The following HS6ST2 variants were observed in gnomAD, a reference collection of about 807,000 sequenced individuals.
HS6ST2 encodes the protein heparan sulfate 6-O-sulfotransferase 2.
HS6ST2 carries 17 observed loss-of-function variants against 33.0 expected under a neutral mutation model. That is an observed-to-expected ratio of 0.52 (90% CI 0.35 to 0.77). The LOEUF is 0.77. HS6ST2 is among the 30% of genes least tolerant of loss of function. The pLI is 0.01. For missense variants in HS6ST2, 519 were observed against 551.7 expected (o/e 0.94, Z 0.59); for synonymous variants, 248 against 237.1 (o/e 1.05, Z -0.42).
At chrX:132,709,812 AACACACAC>A (rs60459374) in intron 2 of HS6ST2, among the ~76,000 whole-genome samples, 2 of 92,195 alleles carry the variant, frequency 2.2e-5, no homozygotes, top group African/African-American at 4.1e-5. Flanking sequence ...GAAAAGACAA[AACACACAC>A]ACACACACAC....
intron 2 of HS6ST2, among the ~76,000 whole-genome samples, chrX:132,833,174 G>A (rs200030181): frequency 3.6e-5 from 4 of 111,034 alleles, no homozygotes; most frequent in South Asian, 3.8e-4. Flanking sequence ...GTAGATTTAC[G>A]TTAATATATT....
At chrX:132,925,840 T>C (rs1003334632) in intron 2 of HS6ST2, among the ~76,000 whole-genome samples, 1 of 112,131 alleles carries the variant, frequency 8.9e-6, no homozygotes, top group Non-Finnish European at 1.9e-5. Flanking sequence ...GAGCAACTTA[T>C]ACGTTATAAA....
At chrX:132,772,020 T>C (rs2064905599) in intron 2 of HS6ST2, among the ~76,000 whole-genome samples, 1 of 111,767 alleles carries the variant, frequency 8.9e-6, no homozygotes, top group Non-Finnish European at 1.9e-5. Context: ...TGTCTTAAAC[T>C]ATGTGTTCTA....
chrX:132,658,171 G>T (rs1331068606), intron 4 of HS6ST2, among the ~76,000 whole-genome samples: 1 of 111,402 alleles, frequency 9.0e-6, no homozygotes, highest in Non-Finnish European at 1.9e-5. Context: ...TGTGTCTGCT[G>T]AAAGTACCCA....
intron 2 of HS6ST2, among the ~76,000 whole-genome samples, chrX:132,821,615 A>T (rs185988667): frequency 7.0e-4 from 77 of 110,773 alleles, no homozygotes; most frequent in African/African-American, 2.5e-3. Flanking sequence ...CTCAGAATCC[A>T]ACACCAGAGC....
chrX:132,747,722 G>T (rs2064658971), intron 2 of HS6ST2, among the ~76,000 whole-genome samples: 1 of 110,770 alleles, frequency 9.0e-6, no homozygotes, highest in Admixed American at 9.6e-5. Flanking sequence ...CAGATCTTTT[G>T]CTTGCCCAAG....
At chrX:132,894,054 A>C (rs1156234005) in intron 2 of HS6ST2, among the ~76,000 whole-genome samples, 24 of 110,163 alleles carry the variant, frequency 2.2e-4, no homozygotes, top group African/African-American at 7.3e-4. Flanking sequence ...CTTTTGAGGG[A>C]ATCACAGGTG....
At chrX:132,929,795 C>T (rs1428939400) in intron 2 of HS6ST2, among the ~76,000 whole-genome samples, 1 of 111,620 alleles carries the variant, frequency 9.0e-6, no homozygotes. Flanking sequence ...CTCTGGAAAA[C>T]TGATAGAAAA....
At chrX:132,698,800 G>A (rs1400378444) in intron 3 of HS6ST2, among the ~76,000 whole-genome samples, 1 of 111,390 alleles carries the variant, frequency 9.0e-6, no homozygotes, top group African/African-American at 3.3e-5. Flanking sequence ...ACATTTTGTT[G>A]ACTTGCTTCC....
chrX:132,942,947 T>G (rs751042982), intron 2 of HS6ST2, among the ~76,000 whole-genome samples: 1 of 112,349 alleles, frequency 8.9e-6, no homozygotes, highest in African/African-American at 3.2e-5. Context: ...CTCATTTTTC[T>G]TATTTGAAAA....
intron 2 of HS6ST2, among the ~76,000 whole-genome samples, chrX:132,858,216 C>T (rs1205995792): frequency 8.9e-6 from 1 of 111,755 alleles, no homozygotes; most frequent in East Asian, 2.8e-4. Flanking sequence ...GGTGACTCAC[C>T]ACCAAATGTT....
At chrX:132,914,767 C>T (rs917566247) in intron 2 of HS6ST2, among the ~76,000 whole-genome samples, 1 of 112,014 alleles carries the variant, frequency 8.9e-6, no homozygotes, top group Non-Finnish European at 1.9e-5. Flanking sequence ...AGCGGACATC[C>T]AAAGGGCCTG....
At position 132,765,210 on chromosome X, in the gene HS6ST2, T is replaced by C. The variant is rs2064835627; in HGVS notation, c.948-56716A>G. Among the ~76,000 whole-genome samples the C allele has an allele frequency of 1.8e-5, 2 of 112,016 alleles. 1 individual carries two copies. Among genetic ancestry groups the C allele is most frequent in the Admixed American group, 1.9e-4 (2 of 10,550 alleles). ...TTGTTGCAGAACAAAATGCCTTCTA[T>C]GGGAGGCACAAGTGGGAGAGATATA... On this transcript the variant is annotated intron_variant, in intron 2 of 4. Transcript: ENST00000370833.
chrX:132,811,110 T>C (rs149274812), intron 2 of HS6ST2, among the ~76,000 whole-genome samples: 1 of 112,275 alleles, frequency 8.9e-6, no homozygotes, highest in African/African-American at 3.2e-5. Context: ...ACTTTCAAGT[T>C]TGATCATGTC....
chrX:132,838,537 C>T (rs1180080784), intron 2 of HS6ST2, among the ~76,000 whole-genome samples: 1 of 111,389 alleles, frequency 9.0e-6, no homozygotes, highest in African/African-American at 3.3e-5. Flanking sequence ...TTGGCAACAC[C>T]GAATTTAGTA....
intron 2 of HS6ST2, among the ~76,000 whole-genome samples, chrX:132,743,748 A>G (rs1398201565): frequency 9.0e-6 from 1 of 111,459 alleles, no homozygotes; most frequent in Non-Finnish European, 1.9e-5. Flanking sequence ...CACTGCACCA[A>G]TTGCAGCGTT....
At chrX:132,939,835 G>T (rs905475483) in intron 2 of HS6ST2, among the ~76,000 whole-genome samples, 6 of 111,039 alleles carry the variant, frequency 5.4e-5, no homozygotes, top group Non-Finnish European at 7.5e-5. Flanking sequence ...CCATGTTTTT[G>T]AATTGAAAAA....
At chrX:132,900,313 G>T (rs1268382872) in intron 2 of HS6ST2, among the ~76,000 whole-genome samples, 3 of 111,890 alleles carry the variant, frequency 2.7e-5, no homozygotes, top group African/African-American at 9.7e-5. Context: ...CAGATGGGAT[G>T]CTGGAGCTAC....
At chrX:132,630,944 C>A (rs2063512467) in intron 4 of HS6ST2, among the ~76,000 whole-genome samples, 1 of 111,417 alleles carries the variant, frequency 9.0e-6, no homozygotes, top group African/African-American at 3.3e-5. Flanking sequence ...GACCCTACCC[C>A]TCCACCCCAC....
Sources: allele counts gnomAD v4.1 joint callset (sites outside exome capture counted in the v4.1 genomes callset), GRCh38; gene constraint gnomAD v4.1.1; transcripts MANE v1.5; gene names NCBI Gene and HGNC (gene_info 2026-07-23, HGNC 2026-07-21).